The following ZMIZ2 variants were observed in gnomAD, a reference collection of about 807,000 sequenced individuals.
The protein encoded by ZMIZ2 is zinc finger MIZ-type containing 2, also known as zinc finger MIZ domain-containing protein 2.
In ZMIZ2, 26 loss-of-function variants were observed where a neutral mutation model predicts 93.9. The observed-to-expected ratio is 0.28, with a 90% CI of 0.20 to 0.38. ZMIZ2 has a LOEUF of 0.38. Among genes scored for constraint, ZMIZ2 ranks in the 10% least tolerant of loss-of-function variants. The pLI is 1.00. For synonymous variants in ZMIZ2, 485 were observed against 516.4 expected, an observed-to-expected ratio of 0.94 and a Z score of 0.82; for missense variants, 1,023 against 1,235.0, an observed-to-expected ratio of 0.83 and a Z score of 2.57.
rs1791695271 is a variant in ZMIZ2, at chr7:44,766,256, C to T, written c.2335C>T (p.Pro779Ser). ...CCTTGCTGAGTTCACCCCGGGACCA[C>T]CCCCCATCTCCTACCAGTCTGACAT... is the stretch of plus-strand genomic sequence containing the variant. ...PTLAEFTPGP[P>S]PISYQSDIPS... Residue 779 changes from proline (P) to serine (S), a missense_variant, in exon 17 of 19, where the codon CCC (proline) becomes TCC (serine). Pro to Ser is a moderately conservative substitution (Grantham distance 74). This residue lies in a region of ZMIZ2 where 319 missense variants were observed against 358.8 expected (regional missense o/e 0.89). Transcript: ENST00000309315. This position sits in a 1 kb window ranked among gnomAD's most constrained non-coding sequence, Gnocchi z 4.4. 1.3e-6 allele frequency: 2 copies of T among 1,599,250 alleles called. No homozygotes were observed. Among genetic ancestry groups the T allele is most frequent in the Admixed American group, 1.7e-5 (1 of 57,988 alleles).
chr7:44,756,815 C>A, intron 3 of ZMIZ2, 132 bp from the exon 4 acceptor site: 1 of 1,138,318 alleles, frequency 8.8e-7, no homozygotes, highest in Non-Finnish European at 1.3e-6. Flanking sequence ...CCCTGCTTCC[C>A]GTGCTATACC....
intron 1 of ZMIZ2, 58 bp downstream of exon 1, chr7:44,749,049 G>T: frequency 6.5e-6 from 1 of 152,820 alleles, no homozygotes; most frequent in South Asian, 1.9e-4. Flanking sequence ...GGTGTGGGCC[G>T]GCGGGGGCAG....
rs926141225 is a variant in ZMIZ2 at position 44,757,404 on chromosome 7, G to A, written c.395G>A (p.Gly132Asp). 5.0e-6 allele frequency: 8 copies of A among 1,602,638 alleles called. No individual in the cohort carries two copies. Among genetic ancestry groups the A allele is most frequent in the Admixed American group, 3.3e-5 (2 of 59,934 alleles). ...TGYAGGPGGL[G>D]LPSHAARPST... is the part of the protein sequence containing the mutation. ...TATGCAGGCGGCCCGGGGGGCCTGG[G>A]CCTCCCCTCACATGCTGCAAGACCC... The change falls in exon 5 of 19, where the codon GGC (glycine) becomes GAC (aspartate). Residue 132 changes from glycine to aspartate, a missense_variant. This residue lies in a region of ZMIZ2 where 656 missense variants were observed against 777.1 expected (regional missense o/e 0.84). Coordinates refer to ENST00000309315, the MANE Select transcript of ZMIZ2 (RefSeq NM_031449.4).
Position 44,757,853 on chromosome 7 carries a change from G to A in ZMIZ2, c.558G>A (p.Gly186=). The A allele has an allele frequency of 6.4e-7, 1 of 1,571,862 alleles. No homozygotes were observed. The highest frequency in any genetic ancestry group is 8.6e-7 in the Non-Finnish European group (1 of 1,158,402). ...SQELSQYGAM[G]AGQSFNSQFL... is the part of the protein sequence containing the mutation. ...CTTCTTTTTTCTCTTCCTAGATGGG[G>A]GCCGGACAGTCTTTTAACAGCCAGT... is the stretch of plus-strand genomic sequence containing the variant. Residue 186 remains glycine (G), a synonymous_variant, in exon 6 of 19, where the codon GGG becomes GGA. Coordinates refer to ENST00000309315, the MANE Select transcript of ZMIZ2 (RefSeq NM_031449.4).
rs1791067242 is a variant in ZMIZ2 at position 44,760,462 on chromosome 7, T to TG, written c.1110dup (p.Pro371AlafsTer30). 6.2e-7 allele frequency: 1 copy of TG among 1,613,970 alleles called. No individual in the cohort carries two copies. The highest frequency in any genetic ancestry group is 8.5e-7 in the Non-Finnish European group (1 of 1,179,998). ...ATCCCGGGCTATCCCAGTTCCCCAC[T>TG]GCCAGGGAACCCCACGCCACCCATG... On this transcript the variant is annotated frameshift_variant, in exon 9 of 19. Transcript: ENST00000309315. LOFTEE classifies it high-confidence loss of function.
rs1252669597 is a variant in ZMIZ2, at chr7:44,765,687, C to G, written c.2242+108C>G. On this transcript the variant is annotated intron_variant, in intron 16 of 18. Coordinates refer to ENST00000309315, the MANE Select transcript of ZMIZ2 (RefSeq NM_031449.4). This position sits in a 1 kb window ranked among gnomAD's most constrained non-coding sequence, Gnocchi z 4.1. ...GAATGTGGCTATGCAGGTCACACACCTAGGTTATCAGTGTTGCCACACAAA... is the reference window on the plus strand; with the variant it reads ...GAATGTGGCTATGCAGGTCACACACGTAGGTTATCAGTGTTGCCACACAAA... 2 of 1,461,436 alleles carry G rather than the reference C, an allele frequency of 1.4e-6. No homozygotes were observed. The highest frequency in any genetic ancestry group is 2.8e-5 in the African/African-American group (2 of 71,566). The allele number at this position is 1,461,436 out of a possible 1,614,324, so 90.5% of individuals were successfully genotyped here.
At chr7:44,760,851 A>C (rs1316184295) in intron 9 of ZMIZ2, among the ~76,000 whole-genome samples, 1 of 145,902 alleles carries the variant, frequency 6.9e-6, no homozygotes, top group Non-Finnish European at 1.5e-5. Context: ...CCTGTCTTAA[A>C]AAAAAAAAAA....
chr7:44,754,973 CAG>C (rs1790467078), intron 1 of ZMIZ2, among the ~76,000 whole-genome samples: 1 of 152,146 alleles, frequency 6.6e-6, no homozygotes, highest in Non-Finnish European at 1.5e-5. Context: ...CAGGGACACT[CAG>C]GGGCAGGGCT....
chr7:44,753,798 T>A (rs1335111551), intron 1 of ZMIZ2, among the ~76,000 whole-genome samples: 1 of 152,256 alleles, frequency 6.6e-6, no homozygotes. Flanking sequence ...TTTTATAGAT[T>A]TATGTTTTAC....
intron 9 of ZMIZ2, among the ~76,000 whole-genome samples, 191 bp downstream of exon 9, chr7:44,760,784 A>C (rs567881690): frequency 6.6e-6 from 1 of 151,654 alleles, no homozygotes; most frequent in South Asian, 2.1e-4. Flanking sequence ...CAAGAGTTCA[A>C]GGTTACCGTG....
intron 14 of ZMIZ2, 115 bp downstream of exon 14, chr7:44,764,601 C>A: frequency 8.2e-7 from 1 of 1,220,756 alleles, no homozygotes; most frequent in Non-Finnish European, 1.2e-6. Flanking sequence ...GGAGTCACTG[C>A]ATGGACTGGG....
In ZMIZ2 at chr7:44,759,299, T is replaced by C; in HGVS notation, c.832T>C (p.Tyr278His). The change falls in exon 7 of 19, where the codon TAT becomes CAT. Residue 278 changes from tyrosine (Y) to histidine (H), a missense_variant. Physicochemically the swap from Tyr to His is moderately conservative, Grantham distance 83 (BLOSUM62 2). Coordinates refer to ENST00000309315, the MANE Select transcript of ZMIZ2 (RefSeq NM_031449.4). Reference protein sequence around the residue: ...TYSEVYPGQQYLQGGQYAPST... With the variant: ...TYSEVYPGQQHLQGGQYAPST... Reference sequence around the variant, plus strand: ...TTTTCAGGTGTATCCAGGGCAGCAGTATCTGCAAGGAGGCCAGTATGCACC... The same window carrying C: ...TTTTCAGGTGTATCCAGGGCAGCAGCATCTGCAAGGAGGCCAGTATGCACC... 1 of 1,564,100 alleles carries C rather than the reference T, an allele frequency of 6.4e-7. No individual in the cohort carries two copies. Among genetic ancestry groups the C allele is most frequent in the Non-Finnish European group, 8.7e-7 (1 of 1,155,658 alleles).
chr7:44,756,605 G>A lies in ZMIZ2; in HGVS notation c.165+66G>A, dbSNP rs1790615437. The A allele has an allele frequency of 4.6e-6, 7 of 1,533,070 alleles. No individual in the cohort carries two copies. In the East Asian group the frequency reaches 6.7e-5, roughly 15 times the overall value. 95.0% of individuals were successfully genotyped at this position (1,533,070 alleles called of 1,614,324 possible). A position where few individuals can be genotyped will look rare whatever the true frequency, so the allele number is the denominator to read the frequency against. On this transcript the variant is annotated intron_variant, in intron 3 of 18. Transcript: ENST00000309315. ...CTCCCAGCACTTGGCAGTGCTTAGT[G>A]CCTCCTCAGAGCTCTGAGAGACGAA...
At position 44,765,182 on chromosome 7, in the gene ZMIZ2, G is replaced by T. The variant is rs1016796327; in HGVS notation, c.1998-153G>T. Among the ~76,000 whole-genome samples the T allele has an allele frequency of 3.3e-5, 5 of 152,218 alleles. No homozygotes were observed. The highest frequency in any genetic ancestry group is 5.9e-5 in the Non-Finnish European group (4 of 68,042). On this transcript the variant is annotated intron_variant, in intron 15 of 18. Coordinates refer to ENST00000309315, the MANE Select transcript of ZMIZ2 (RefSeq NM_031449.4). The surrounding 1 kb of genome is among the most constrained non-coding windows in gnomAD (Gnocchi z 4.1). The stretch of plus-strand genomic sequence containing the variant: ...TGTCCTACCTGAGTGTTGGTGCTGG[G>T]CCCAGCGTCCTGCTCGATGTGGAAG...
chr7:44,759,661 C>T, intron 7 of ZMIZ2: 1 of 476,874 alleles, frequency 2.1e-6, no homozygotes, highest in African/African-American at 2.0e-5. Flanking sequence ...AGTGCAGGAG[C>T]AGCTCCTGGG....
chr7:44,762,066 A>G (rs913859110), intron 11 of ZMIZ2, 161 bp downstream of exon 11: 8 of 974,264 alleles, frequency 8.2e-6, no homozygotes, highest in Non-Finnish European at 1.1e-5. Context: ...CTGCAGCACC[A>G]TCAGATCATG....
intron 3 of ZMIZ2, 91 bp from the exon 4 acceptor site, chr7:44,756,856 T>G: frequency 6.7e-7 from 1 of 1,482,360 alleles, no homozygotes; most frequent in Non-Finnish European, 9.3e-7. Context: ...CCAACCCACT[T>G]GCCAGGCCTG....
chr7:44,765,825 G>C lies in ZMIZ2; in HGVS notation c.2242+246G>C. On this transcript the variant is annotated intron_variant, in intron 16 of 18. Coordinates refer to ENST00000309315, the MANE Select transcript of ZMIZ2 (RefSeq NM_031449.4). This position sits in a 1 kb window ranked among gnomAD's most constrained non-coding sequence, Gnocchi z 4.1. ...GTGGGGCCTCCACCCTTCCTTCCCC[G>C]TTTGGATTAAGGGGCTCCTGGCTGG... The C allele has an allele frequency of 4.7e-6, 5 of 1,068,230 alleles. No individual in the cohort carries two copies. Among genetic ancestry groups the C allele is most frequent in the South Asian group, 3.5e-5 (2 of 57,046 alleles). The allele number at this position is 1,068,230 out of a possible 1,614,324, so 66.2% of individuals were successfully genotyped here.
chr7:44,767,837 C>A lies in ZMIZ2; in HGVS notation c.*214C>A, dbSNP rs960649928. The A allele has an allele frequency of 2.2e-5, 13 of 591,784 alleles. No individual in the cohort carries two copies. Among genetic ancestry groups the A allele is most frequent in the African/African-American group, 1.5e-4 (8 of 53,776 alleles). 36.7% of individuals were successfully genotyped at this position (591,784 alleles called of 1,614,324 possible). A position where few individuals can be genotyped will look rare whatever the true frequency, so the allele number is the denominator to read the frequency against. On this transcript the variant is annotated 3_prime_UTR_variant, in exon 19 of 19. Transcript: ENST00000309315. ...GCTCCCAGGCCGGCAGCCCTTGCCA[C>A]CTCCCTCTGCCAAGCCTGCTGCTGC... is the stretch of plus-strand genomic sequence containing the variant.
Sources: allele counts gnomAD v4.1 joint callset (sites outside exome capture counted in the v4.1 genomes callset), GRCh38; gene constraint gnomAD v4.1.1; regional missense constraint gnomAD v4.1.1; non-coding constraint Gnocchi (gnomAD v3.1); transcripts MANE v1.5; gene names NCBI Gene and HGNC (gene_info 2026-07-23, HGNC 2026-07-21).